Variants in KIAA0586 observed in about 807,000 individuals in gnomAD.
KIAA0586 encodes KIAA0586, also known as protein TALPID3.
A neutral mutation model predicts 169.8 loss-of-function variants in KIAA0586; 144 were observed. The ratio of observed to expected loss-of-function variants is 0.85; its 90% CI spans 0.74 to 0.97. The LOEUF (loss-of-function observed/expected upper bound fraction) is 0.97, where lower values mean the gene tolerates loss of function less well. KIAA0586 is among the 50% of genes least tolerant of loss of function. The pLI, the probability that KIAA0586 is intolerant of heterozygous loss-of-function variation, is 0.00. For missense variants in KIAA0586, 1,854 were observed against 1,823.0 expected, an observed-to-expected ratio of 1.02 and a Z score of -0.31; for synonymous variants, 625 against 612.4, an observed-to-expected ratio of 1.02 and a Z score of -0.30.
rs376504216 is a variant in KIAA0586, at chr14:58,532,643, A to G, written c.4430-7428A>G. On this transcript the variant is annotated intron_variant, in intron 29 of 30. Transcript: ENST00000652326. ...AATATTTTTAAATATGTGCATGACA[A>G]ATGCTGTGTAATACACCTCATTATT... Among the ~76,000 whole-genome samples, 4 of 152,264 alleles carry G rather than the reference A, an allele frequency of 2.6e-5. No individual in the cohort carries two copies. In the South Asian group the frequency reaches 6.2e-4, roughly 24 times the overall value.
intron 14 of KIAA0586, chr14:58,463,917 C>G: frequency 2.7e-6 from 1 of 367,658 alleles, no homozygotes; most frequent in Non-Finnish European, 5.4e-6. Flanking sequence ...TGAGACATCA[C>G]CACCAACCTG....
intron 29 of KIAA0586, chr14:58,521,331 T>C (rs1595472753): frequency 1.8e-5 from 19 of 1,067,586 alleles, no homozygotes; most frequent in Non-Finnish European, 2.6e-5. Flanking sequence ...GGAGGCAGTC[T>C]TTTCAAAGTA....
In KIAA0586 at chr14:58,511,375, G is replaced by T. The variant is rs185222586; in HGVS notation, c.4324-1147G>T. On this transcript the variant is annotated intron_variant, in intron 28 of 30. Coordinates refer to ENST00000652326, the MANE Select transcript of KIAA0586 (RefSeq NM_001329943.3). ...TTTAATCATTATAACAGCCTAATGA[G>T]GTAGTTGTTACTATTATCCCCATTT... Among the ~76,000 whole-genome samples, 257 of 152,270 alleles carry T rather than the reference G, an allele frequency of 1.7e-3. 1 individual carries two copies. The highest frequency in any genetic ancestry group is 3.1e-3 in the Non-Finnish European group (211 of 68,024).
intron 8 of KIAA0586, among the ~76,000 whole-genome samples, chr14:58,451,740 G>A (rs1474811235): frequency 6.6e-6 from 1 of 152,032 alleles, no homozygotes; most frequent in South Asian, 2.1e-4. Flanking sequence ...CTGGAGTGCA[G>A]TGGCACCATC....
rs750172546 is a variant in KIAA0586, at chr14:58,448,329, A to T, written c.808-11A>T. 2 of 1,495,488 alleles carry T rather than the reference A, an allele frequency of 1.3e-6. No homozygotes were observed. Among genetic ancestry groups the T allele is most frequent in the Non-Finnish European group, 1.8e-6 (2 of 1,096,784 alleles). 92.6% of individuals were successfully genotyped at this position (1,495,488 alleles called of 1,614,324 possible). On this transcript the variant is annotated splice_polypyrimidine_tract_variant and intron_variant, in intron 6 of 30. Coordinates refer to ENST00000652326, the MANE Select transcript of KIAA0586 (RefSeq NM_001329943.3). ...TATTTGAAAATAATAAAATAATCTT[A>T]TTTCTTCTAGACTCATTTTATTAGT...
In KIAA0586 at chr14:58,435,102, A is replaced by G. The variant is rs74705410; in HGVS notation, c.410+2645A>G. On this transcript the variant is annotated intron_variant, in intron 4 of 30. Transcript: ENST00000652326. ...ACATACCTGGCTGCACTTCTTACAT[A>G]CTACTTGATCTTTACAAAAGCCTAG... Among the ~76,000 whole-genome samples the G allele has an allele frequency of 1.2e-4, 19 of 152,154 alleles. No individual in the cohort carries two copies. The East Asian group carries it at 3.5e-3, about 28-fold the overall frequency.
At chr14:58,456,607 A>T (rs539767808) in intron 9 of KIAA0586, 95 bp from the exon 10 acceptor site, 44 of 682,936 alleles carry the variant, frequency 6.4e-5, no homozygotes, top group Non-Finnish European at 1.1e-4. Flanking sequence ...AGACTGTATC[A>T]AAGATTTGTG....
chr14:58,461,204 T>C, intron 14 of KIAA0586, 44 bp downstream of exon 14: 1 of 1,341,014 alleles, frequency 7.5e-7, no homozygotes, highest in Non-Finnish European at 1.0e-6. Flanking sequence ...TTCTTAATAG[T>C]ATCAGTTTAA....
intron 21 of KIAA0586, among the ~76,000 whole-genome samples, chr14:58,486,520 A>G (rs1042651828): frequency 1.3e-5 from 2 of 152,226 alleles, no homozygotes; most frequent in Non-Finnish European, 2.9e-5. Context: ...AATGCTCATC[A>G]TCACTAATCA....
intron 30 of KIAA0586, among the ~76,000 whole-genome samples, chr14:58,545,681 G>T (rs2046935828): frequency 6.6e-6 from 1 of 152,050 alleles, no homozygotes; most frequent in Non-Finnish European, 1.5e-5. Flanking sequence ...TAAAATATAA[G>T]AATGTTTAAA....
intron 29 of KIAA0586, among the ~76,000 whole-genome samples, chr14:58,523,006 T>C (rs982872893): frequency 1.3e-5 from 2 of 152,074 alleles, no homozygotes; most frequent in African/African-American, 2.4e-5. Flanking sequence ...ACTTTTTATT[T>C]AAGAGGTAGA....
intron 29 of KIAA0586, chr14:58,521,173 G>T (rs1595472050): frequency 1.1e-5 from 7 of 657,948 alleles, no homozygotes; most frequent in Admixed American, 7.4e-5. Context: ...AGATTTTTTT[G>T]ATCTTCAGCT....
At chr14:58,443,661 G>T (rs2038606557) in intron 5 of KIAA0586, among the ~76,000 whole-genome samples, 2 of 152,138 alleles carry the variant, frequency 1.3e-5, no homozygotes, top group African/African-American at 4.8e-5. Context: ...CTGACCTCGT[G>T]ATCTGCCTGC....
chr14:58,542,071 T>G (rs976420839), intron 30 of KIAA0586, among the ~76,000 whole-genome samples: 25 of 152,348 alleles, frequency 1.6e-4, no homozygotes, highest in African/African-American at 6.0e-4. Context: ...AATGTTACCC[T>G]TTTCGCCTGT....
Position 58,428,459 on chromosome 14 carries a change from A to G in KIAA0586, c.195A>G (p.Ser65=), listed in dbSNP as rs929395216. Residue 65 remains serine (S), a synonymous_variant, in exon 1 of 31, where the codon TCA becomes TCG. Transcript: ENST00000652326. ...VGTGTSLNGT[S]RGSSDLTSAR... ...CGGGGACTAGTTTGAATGGAACATC[A>G]CGTGGTATGTGATTCCATGTAGTTT... The G allele has an allele frequency of 1.9e-6, 3 of 1,607,484 alleles. No homozygotes were observed. In the African/African-American group the frequency reaches 4.0e-5, roughly 21 times the overall value.
At chr14:58,460,199 C>T (rs1292905851) in intron 13 of KIAA0586, 129 bp downstream of exon 13, 1 of 599,480 alleles carries the variant, frequency 1.7e-6, no homozygotes, top group African/African-American at 1.9e-5. Context: ...TGTAAGCTAT[C>T]TTTACACTAT....
At chr14:58,480,355 A>G (rs1035225569) in intron 20 of KIAA0586, among the ~76,000 whole-genome samples, 3 of 152,192 alleles carry the variant, frequency 2.0e-5, no homozygotes, top group South Asian at 2.1e-4. Flanking sequence ...TTAAAAAAAA[A>G]AAAAAAAAAC....
Position 58,463,551 on chromosome 14 carries a change from G to T in KIAA0586, c.2060-2284G>T, listed in dbSNP as rs2040499378. Among the ~76,000 whole-genome samples, 3 of 152,102 alleles carry T rather than the reference G, an allele frequency of 2.0e-5. No homozygotes were observed. In the South Asian group the frequency reaches 6.2e-4, roughly 32 times the overall value. On this transcript the variant is annotated intron_variant, in intron 14 of 30. Coordinates refer to ENST00000652326, the MANE Select transcript of KIAA0586 (RefSeq NM_001329943.3). ...AAAAGAAACTATATTTAAAAGTCTG[G>T]ATGTGTAGGTTGGGCACAGTGGCTC...
chr14:58,513,092 A>G (rs10150035), intron 29 of KIAA0586, among the ~76,000 whole-genome samples: 6,176 of 152,106 alleles, frequency 0.041, 394 homozygotes, highest in African/African-American at 0.14. Flanking sequence ...ATAGTTCTTT[A>G]TCAAACTCGT....
Sources: allele counts gnomAD v4.1 joint callset (sites outside exome capture counted in the v4.1 genomes callset), GRCh38; gene constraint gnomAD v4.1.1; transcripts MANE v1.5; gene names NCBI Gene and HGNC (gene_info 2026-07-23, HGNC 2026-07-21).